The following HOOK1 variants were observed in gnomAD, a reference collection of about 807,000 sequenced individuals.
HOOK1 encodes hook microtubule tethering protein 1.
A neutral mutation model predicts 112.8 loss-of-function variants in HOOK1; 60 were observed. The observed-to-expected ratio is 0.53, with a 90% confidence interval of 0.43 to 0.66. The LOEUF (loss-of-function observed/expected upper bound fraction) is 0.66. Ranked by LOEUF, HOOK1 falls within the 30% of genes least tolerant of loss-of-function variation. The pLI is 0.00. For synonymous variants in HOOK1, 294 were observed against 283.8 expected, an observed-to-expected ratio of 1.04 and a Z score of -0.36; for missense variants, 770 against 856.0, an observed-to-expected ratio of 0.90 and a Z score of 1.25.
intron 2 of HOOK1, 87 bp from the exon 3 acceptor site, chr1:59,828,691 CAT>C (rs1412518139): frequency 2.9e-6 from 3 of 1,018,948 alleles, no homozygotes; most frequent in Non-Finnish European, 4.4e-6. Context: ...GGCTTTAAGA[CAT>C]AAAGTAACTT....
intron 13 of HOOK1, 68 bp downstream of exon 13, chr1:59,858,583 T>C (rs1476536194): frequency 2.9e-6 from 3 of 1,035,528 alleles, no homozygotes; most frequent in African/African-American, 3.2e-5. Context: ...CAACAAAAAA[T>C]AAAAACTTAA....
At chr1:59,856,142 C>T (rs2098410642) in intron 12 of HOOK1, among the ~76,000 whole-genome samples, 1 of 144,500 alleles carries the variant, frequency 6.9e-6, no homozygotes, top group African/African-American at 2.6e-5. Flanking sequence ...CATGGGGACT[C>T]ACTATGTTGG....
Position 59,821,866 on chromosome 1 carries a change from A to G in HOOK1, c.72A>G (p.Thr24=), listed in dbSNP as rs368571180. 1 of 1,596,910 alleles carries G rather than the reference A, an allele frequency of 6.3e-7. No homozygotes were observed. ...LCDSLMIWLQ[T]FNTASPCQDV... The stretch of plus-strand genomic sequence containing the variant: ...GATTTATGTCATTTTAGCTGCAGAC[A>G]TTCAATACTGCCTCACCTTGTCAAG... The change falls in exon 2 of 22, where the codon ACA becomes ACG. Residue 24 remains threonine, a synonymous_variant. Transcript: ENST00000371208.
intron 20 of HOOK1, among the ~76,000 whole-genome samples, chr1:59,869,015 A>G (rs1644013730): frequency 6.6e-6 from 1 of 152,174 alleles, no homozygotes; most frequent in South Asian, 2.1e-4. Context: ...ATAATTGAGC[A>G]CGTTCTGGTT....
chr1:59,824,330 C>G (rs12078843), intron 2 of HOOK1, among the ~76,000 whole-genome samples: 7,257 of 152,048 alleles, frequency 0.048, 409 homozygotes, highest in African/African-American at 0.13. Flanking sequence ...GCCTCAGCCT[C>G]CTCAGTAGCT....
chr1:59,854,094 C>T (rs546722502), intron 12 of HOOK1, among the ~76,000 whole-genome samples: 1 of 112,170 alleles, frequency 8.9e-6, no homozygotes, highest in South Asian at 3.3e-4. Context: ...CTCTGTTGCC[C>T]AGGCTGGAGT....
At chr1:59,860,930 C>G (rs113183213) in intron 15 of HOOK1, among the ~76,000 whole-genome samples, 7,344 of 152,098 alleles carry the variant, frequency 0.048, 205 homozygotes, top group Middle Eastern at 0.092. Flanking sequence ...CACGCCACTA[C>G]GCCTGGCTAA....
Position 59,854,011 on chromosome 1 carries a change from TATATATATATATATATATATATA to T in HOOK1, c.1243-4416_1243-4394del, listed in dbSNP as rs1559056822. On this transcript the variant is annotated intron_variant, in intron 12 of 21. Transcript: ENST00000371208. ...AATACATTAATCTTAAATATATATA[TATATATATATATATATATATATA>T]TATATTTTTTTTTTTTTTTTTTTTT... is the stretch of plus-strand genomic sequence containing the variant. Among the ~76,000 whole-genome samples, 42 of 18,294 alleles carry T rather than the reference TATATATATATATATATATATATA, an allele frequency of 2.3e-3. 2 individuals carry two copies. Among genetic ancestry groups the T allele is most frequent in the Middle Eastern group, 0.012 (1 of 86 alleles). The allele number at this position is 18,294 out of a possible 152,430, so 12.0% of individuals were successfully genotyped here.
In HOOK1 at chr1:59,843,413, A is replaced by G. The variant is rs749111794; in HGVS notation, c.622-19A>G. ...GTTTTTTTTCTACTGGTGCTTATGT[A>G]TGTGTATTTGTTTCTTAGGTGACTA... On this transcript the variant is annotated intron_variant, in intron 8 of 21. Transcript: ENST00000371208. 26 of 1,562,850 alleles carry G rather than the reference A, an allele frequency of 1.7e-5. No homozygotes were observed. In the South Asian group the frequency reaches 2.3e-4, roughly 14 times the overall value.
intron 17 of HOOK1, 86 bp from the exon 18 acceptor site, chr1:59,865,077 G>A: frequency 1.3e-6 from 1 of 790,696 alleles, no homozygotes; most frequent in South Asian, 1.5e-5. Flanking sequence ...TCACAGATGA[G>A]GAACCAAGGG....
chr1:59,830,023 C>T (rs2098392634), intron 3 of HOOK1, among the ~76,000 whole-genome samples: 1 of 151,788 alleles, frequency 6.6e-6, no homozygotes, highest in Non-Finnish European at 1.5e-5. Context: ...TTCCAGTTGC[C>T]TTTCTTTTAT....
At chr1:59,864,740 T>C in intron 17 of HOOK1, 74 bp downstream of exon 17, 1 of 949,752 alleles carries the variant, frequency 1.1e-6, no homozygotes, top group Non-Finnish European at 1.6e-6. Flanking sequence ...TAATCTCCTT[T>C]TCGGATTTTG....
chr1:59,817,953 A>G lies in HOOK1; in HGVS notation c.63+2773A>G, dbSNP rs72921671. ...ACTATTGCCAATAAGACACCAAATC[A>G]AAGTGGTGATAGTAAATATCATTGC... On this transcript the variant is annotated intron_variant, in intron 1 of 21. Transcript: ENST00000371208. Among the ~76,000 whole-genome samples the G allele has an allele frequency of 9.6e-3, 1,456 of 152,290 alleles. 18 individuals carry two copies. The highest frequency in any genetic ancestry group is 0.033 in the African/African-American group (1,359 of 41,542).
chr1:59,845,564 GT>G (rs869170683), intron 9 of HOOK1, among the ~76,000 whole-genome samples: 1 of 150,862 alleles, frequency 6.6e-6, no homozygotes, highest in Non-Finnish European at 1.5e-5. Flanking sequence ...CCTGCTAAAA[GT>G]TTTTTGTTTT....
chr1:59,872,580 A>T (rs1400969056), intron 21 of HOOK1, among the ~76,000 whole-genome samples: 1 of 152,178 alleles, frequency 6.6e-6, no homozygotes, highest in East Asian at 1.9e-4. Flanking sequence ...ATAATTTTAA[A>T]TTTAGTGATT....
intron 1 of HOOK1, among the ~76,000 whole-genome samples, chr1:59,821,416 A>G (rs1375696035): frequency 1.3e-5 from 2 of 152,216 alleles, no homozygotes; most frequent in East Asian, 3.9e-4. Context: ...CTCATGGATA[A>G]ACTGTAAGTA....
At chr1:59,828,652 A>G in intron 2 of HOOK1, 128 bp from the exon 3 acceptor site, 2 of 599,654 alleles carry the variant, frequency 3.3e-6, no homozygotes, top group Non-Finnish European at 5.7e-6. Context: ...TTGCTATATA[A>G]GTAATATTCA....
At chr1:59,842,609 A>T (rs2102034667) in intron 8 of HOOK1, among the ~76,000 whole-genome samples, 1 of 152,272 alleles carries the variant, frequency 6.6e-6, no homozygotes, top group East Asian at 1.9e-4. Flanking sequence ...GGATTGAATT[A>T]CATGTTTTGA....
In HOOK1 at chr1:59,848,329, A is replaced by C; in HGVS notation, c.944A>C (p.Lys315Thr). 1 of 1,610,390 alleles carries C rather than the reference A, an allele frequency of 6.2e-7. No homozygotes were observed. Among genetic ancestry groups the C allele is most frequent in the South Asian group, 1.1e-5 (1 of 90,914 alleles). Reference protein sequence around the residue: ...EIDVLRATSDKANKLESTVEI... With the variant: ...EIDVLRATSDTANKLESTVEI... ...TATGATTATAGGGCTACCTCTGATA[A>C]AGCAAATAAACTGGAGTCAACAGTT... The change falls in exon 11 of 22, where the codon AAA becomes ACA. Residue 315 changes from lysine to threonine, a missense_variant. Transcript: ENST00000371208.
Sources: gnomAD v4.1 joint callset for allele counts (sites outside exome capture counted in the v4.1 genomes callset) on GRCh38, gnomAD v4.1.1 for gene constraint, MANE v1.5 for transcripts, NCBI Gene and HGNC (gene_info 2026-07-23, HGNC 2026-07-21) for gene names.